The following WDTC1 variants were observed in gnomAD, a reference collection of about 807,000 sequenced individuals.
The protein encoded by WDTC1 is WD and tetratricopeptide repeats 1.
In WDTC1, 12 loss-of-function variants were observed where a neutral mutation model predicts 76.0. That is an observed-to-expected ratio of 0.16 (90% CI 0.10 to 0.26). The LOEUF (loss-of-function observed/expected upper bound fraction) is 0.26. Among genes scored for constraint, WDTC1 ranks in the 10% least tolerant of loss-of-function variants. The pLI is 1.00. For missense variants in WDTC1, 511 were observed against 908.8 expected, an observed-to-expected ratio of 0.56 and a Z score of 5.63; for synonymous variants, 326 against 350.8, an observed-to-expected ratio of 0.93 and a Z score of 0.79.
chr1:27,296,952 A>G, intron 10 of WDTC1, 96 bp from the exon 11 acceptor site: 2 of 1,059,166 alleles, frequency 1.9e-6, no homozygotes, highest in Non-Finnish European at 2.9e-6. Flanking sequence ...CCACGATGGA[A>G]CCATCAGACC....
chr1:27,305,263 G>GCC lies in WDTC1; in HGVS notation c.1836+71_1836+72insCC, dbSNP rs1160716989. 1.1e-4 allele frequency: 163 copies of GCC among 1,524,680 alleles called. No homozygotes were observed. In the African/African-American group the frequency reaches 2.1e-3, roughly 20 times the overall value. The allele number at this position is 1,524,680 out of a possible 1,614,324, so 94.4% of individuals were successfully genotyped here. Reference sequence around the variant, plus strand: ...GAAGGCTCCAGTGGAGCCTGCTAGCGCAGGGAAGAGAAATGAGCCACCCAG... The same window carrying GCC: ...GAAGGCTCCAGTGGAGCCTGCTAGCGCCCAGGGAAGAGAAATGAGCCACCCAG... On this transcript the variant is annotated intron_variant, in intron 15 of 15. Coordinates refer to ENST00000319394, the MANE Select transcript of WDTC1 (RefSeq NM_001276252.2). This position sits in a 1 kb window ranked among gnomAD's most constrained non-coding sequence, Gnocchi z 4.6.
intron 6 of WDTC1, among the ~76,000 whole-genome samples, chr1:27,289,146 T>G (rs1570976879): frequency 8.1e-6 from 1 of 124,140 alleles, no homozygotes; most frequent in African/African-American, 3.1e-5. Flanking sequence ...CACTTCCCAG[T>G]AGGGGCGGCC....
At position 27,301,312 on chromosome 1, in the gene WDTC1, C is replaced by T; in HGVS notation, c.1319C>T (p.Ala440Val). The T allele has an allele frequency of 1.2e-6, 2 of 1,614,222 alleles. No homozygotes were observed. The highest frequency in any genetic ancestry group is 1.7e-6 in the Non-Finnish European group (2 of 1,180,042). ...CACCTGAAGGCACACTTTCGCCTGG[C>T]CCGCTGCCTCTTTGAGCTCAAGTAT... ...PCHLKAHFRL[A>V]RCLFELKYVA... Residue 440 changes from alanine to valine, a missense_variant, in exon 13 of 16, where the codon GCC becomes GTC. Ala to Val is a moderately conservative substitution (Grantham distance 64). Transcript: ENST00000319394. This position sits in a 1 kb window ranked among gnomAD's most constrained non-coding sequence, Gnocchi z 5.8.
In WDTC1 at chr1:27,303,268, A is replaced by G. The variant is rs2013874751; in HGVS notation, c.1469-353A>G. Among the ~76,000 whole-genome samples, 1 of 151,838 alleles carries G rather than the reference A, an allele frequency of 6.6e-6. No homozygotes were observed. The highest frequency in any genetic ancestry group is 1.5e-5 in the Non-Finnish European group (1 of 67,948). ...CAGCCTGCGTGACCATCTCAAAAAA[A>G]AAAAAAAAAGTCATCCATTCTCTCT... On this transcript the variant is annotated intron_variant, in intron 13 of 15. Transcript: ENST00000319394. This position sits in a 1 kb window ranked among gnomAD's most constrained non-coding sequence, Gnocchi z 4.8.
At chr1:27,287,535 A>T (rs1349158822) in intron 5 of WDTC1, 139 bp from the exon 6 acceptor site, 1 of 936,604 alleles carries the variant, frequency 1.1e-6, no homozygotes, top group Admixed American at 2.7e-5. Context: ...TACAGGCATG[A>T]GCCACCGCGC....
chr1:27,270,027 C>A (rs1204506347), intron 3 of WDTC1, among the ~76,000 whole-genome samples: 1 of 151,768 alleles, frequency 6.6e-6, no homozygotes, highest in Non-Finnish European at 1.5e-5. Context: ...GCCTTGACCT[C>A]CTGGGCTTTG....
intron 5 of WDTC1, 96 bp downstream of exon 5, chr1:27,283,545 TATACCGTCTA>T: frequency 9.4e-7 from 1 of 1,063,786 alleles, no homozygotes; most frequent in Non-Finnish European, 1.4e-6. Flanking sequence ...GTGTGTCCCA[TATACCGTCTA>T]GGGTCACAGA....
chr1:27,263,590 T>G (rs2012556867), intron 3 of WDTC1, among the ~76,000 whole-genome samples: 1 of 152,098 alleles, frequency 6.6e-6, no homozygotes. Context: ...CCCATCACCA[T>G]GCCCAGCTAA....
chr1:27,260,450 G>A (rs936810746), intron 1 of WDTC1, among the ~76,000 whole-genome samples: 1 of 152,138 alleles, frequency 6.6e-6, no homozygotes, highest in Non-Finnish European at 1.5e-5. Flanking sequence ...TTGGGTCTTG[G>A]ACACGGTCAC....
intron 1 of WDTC1, among the ~76,000 whole-genome samples, chr1:27,243,602 A>G (rs1557475413): frequency 6.6e-6 from 1 of 152,228 alleles, no homozygotes; most frequent in South Asian, 2.1e-4. Context: ...AGCTTTGGCA[A>G]CTTCACTTTT....
intron 6 of WDTC1, among the ~76,000 whole-genome samples, chr1:27,289,576 A>G (rs1377218869): frequency 2.0e-5 from 3 of 152,148 alleles, no homozygotes; most frequent in African/African-American, 7.2e-5. Context: ...CACTTCCCAG[A>G]CGGGATGGCG....
chr1:27,252,197 A>T (rs2012092540), intron 1 of WDTC1, among the ~76,000 whole-genome samples: 2 of 151,748 alleles, frequency 1.3e-5, no homozygotes, highest in Non-Finnish European at 2.9e-5. Flanking sequence ...AATTTTAAAA[A>T]TTAGCTGGGC....
intron 1 of WDTC1, among the ~76,000 whole-genome samples, chr1:27,249,523 TTATC>T (rs889732002): frequency 1.9e-4 from 29 of 152,294 alleles, no homozygotes; most frequent in African/African-American, 6.5e-4. Context: ...CACATTTTGT[TTATC>T]TATTTATCAG....
rs374019163 is a variant in WDTC1 at position 27,258,587 on chromosome 1, G to GAA, written c.-99-2368_-99-2367insAA. 2.0e-3 allele frequency among the ~76,000 whole-genome samples: 299 copies of GAA among 151,108 alleles called. 2 individuals are homozygous for GAA. The highest frequency in any genetic ancestry group is 7.0e-3 in the African/African-American group (287 of 41,254). ...GGAGGGAGGGAAGGAAAGAAAGAAAGAGCTTGTTATCCCAAAATTGATTAT... is the reference window on the plus strand; with the variant it reads ...GGAGGGAGGGAAGGAAAGAAAGAAAGAAAGCTTGTTATCCCAAAATTGATTAT... On this transcript the variant is annotated intron_variant, in intron 1 of 15. Coordinates refer to ENST00000319394, the MANE Select transcript of WDTC1 (RefSeq NM_001276252.2).
chr1:27,301,445 C>A lies in WDTC1; in HGVS notation c.1452C>A (p.Phe484Leu). 4 of 1,613,200 alleles carry A rather than the reference C, an allele frequency of 2.5e-6. No homozygotes were observed. The South Asian group carries it at 4.4e-5, about 18-fold the overall frequency. ...GCCGCGACATCACAGCTGCCCTCTT[C>A]TCTAAAAATGATGGTGGTGAGTGGG... ...ALGRDITAAL[F>L]SKNDGEEKKG... The change falls in exon 13 of 16, where the codon TTC (phenylalanine) becomes TTA (leucine). Residue 484 changes from phenylalanine (F) to leucine (L), a missense_variant. Phe to Leu is a conservative substitution (Grantham distance 22). Transcript: ENST00000319394. This position sits in a 1 kb window ranked among gnomAD's most constrained non-coding sequence, Gnocchi z 5.8.
rs2013719148 is a variant in WDTC1, at chr1:27,297,264, A to G, written c.1058+108A>G. The G allele has an allele frequency of 4.9e-6, 5 of 1,023,800 alleles. No individual in the cohort carries two copies. The East Asian group carries it at 1.4e-4, about 28-fold the overall frequency. 63.4% of individuals were successfully genotyped at this position (1,023,800 alleles called of 1,614,324 possible). Reference sequence around the variant, plus strand: ...CCTCCTGACCCACACCCACTCATGCATCCCAGAGAGTGAGGACCAAGGCAA... The same window carrying G: ...CCTCCTGACCCACACCCACTCATGCGTCCCAGAGAGTGAGGACCAAGGCAA... On this transcript the variant is annotated intron_variant, in intron 11 of 15. Transcript: ENST00000319394.
intron 1 of WDTC1, among the ~76,000 whole-genome samples, chr1:27,253,014 T>G (rs2147918980): frequency 6.7e-6 from 1 of 148,166 alleles, no homozygotes; most frequent in Admixed American, 6.7e-5. Flanking sequence ...CTGATTTTTT[T>G]TTTTTTTTTT....
intron 3 of WDTC1, among the ~76,000 whole-genome samples, chr1:27,273,977 G>A (rs930043626): frequency 6.6e-6 from 1 of 152,062 alleles, no homozygotes. Flanking sequence ...TTTCAAAATA[G>A]AAAGTTTAAA....
At chr1:27,256,399 AAG>A (rs1323142702) in intron 1 of WDTC1, among the ~76,000 whole-genome samples, 1 of 152,182 alleles carries the variant, frequency 6.6e-6, no homozygotes, top group Admixed American at 6.5e-5. Context: ...GAGCCTCAGA[AAG>A]AGAATCTCAG....
Sources: allele counts gnomAD v4.1 joint callset (sites outside exome capture counted in the v4.1 genomes callset), GRCh38; gene constraint gnomAD v4.1.1; non-coding constraint Gnocchi (gnomAD v3.1); transcripts MANE v1.5; gene names NCBI Gene and HGNC (gene_info 2026-07-23, HGNC 2026-07-21).